The following TEX11 variants were observed in gnomAD, a reference collection of about 807,000 sequenced individuals.
TEX11 encodes testis expressed 11.
Under a neutral mutation model 84.4 loss-of-function variants are expected in TEX11, and 7 were observed. That is an observed-to-expected ratio of 0.08 (90% CI 0.05 to 0.16). The LOEUF (loss-of-function observed/expected upper bound fraction) is 0.16. TEX11 is among the 10% of genes least tolerant of loss of function. The pLI, the probability that TEX11 is intolerant of heterozygous loss-of-function variation, is 1.00. For missense variants in TEX11, 551 were observed against 660.5 expected, an observed-to-expected ratio of 0.83 and a Z score of 1.82; for synonymous variants, 264 against 222.8, an observed-to-expected ratio of 1.18 and a Z score of -1.64.
chrX:70,606,751 G>C (rs910177492), intron 23 of TEX11, among the ~76,000 whole-genome samples: 1 of 111,570 alleles, frequency 9.0e-6, no homozygotes, highest in Non-Finnish European at 1.9e-5. Context: ...GAATGTTTCT[G>C]ATATTTTGGT....
intron 13 of TEX11, among the ~76,000 whole-genome samples, chrX:70,714,624 TG>T (rs2090478367): frequency 9.0e-6 from 1 of 111,722 alleles, no homozygotes; most frequent in African/African-American, 3.3e-5. Context: ...CCCCTGCCTT[TG>T]TTTGTTTTCC....
chrX:70,715,110 G>A (rs887314579), intron 13 of TEX11, among the ~76,000 whole-genome samples: 12 of 111,115 alleles, frequency 1.1e-4, no homozygotes, highest in Non-Finnish European at 1.9e-4. Flanking sequence ...TAAGAATGTT[G>A]AATATTGGCC....
At chrX:70,595,571 A>T (rs1033903627) in intron 24 of TEX11, among the ~76,000 whole-genome samples, 1 of 111,670 alleles carries the variant, frequency 9.0e-6, no homozygotes, top group African/African-American at 3.3e-5. Context: ...TCTGATGTAG[A>T]TTCTGATAAA....
At chrX:70,684,784 A>T (rs995386555) in intron 13 of TEX11, among the ~76,000 whole-genome samples, 2 of 112,123 alleles carry the variant, frequency 1.8e-5, no homozygotes, top group Non-Finnish European at 3.8e-5. Context: ...GGCATTTTTC[A>T]CAGAAATAGA....
At chrX:70,781,093 G>C (rs1042429241) in intron 9 of TEX11, among the ~76,000 whole-genome samples, 16 of 111,764 alleles carry the variant, frequency 1.4e-4, no homozygotes, top group Non-Finnish European at 2.6e-4. Flanking sequence ...ATGCCCCTCT[G>C]GGATGAAGCT....
rs187155908 is a variant in TEX11 at position 70,886,053 on chromosome X, A to C, written c.38-5944T>G. ...ATGAAGGTTCTTCAAAAAATTAAAA[A>C]TACAACTCGCATATGATACAGCAAT... On this transcript the variant is annotated intron_variant, in intron 2 of 29. Transcript: ENST00000374333. Among the ~76,000 whole-genome samples the C allele has an allele frequency of 5.9e-4, 66 of 111,269 alleles. No homozygotes were observed. The East Asian group carries it at 0.017, about 28-fold the overall frequency.
chrX:70,812,303 T>C (rs1269371776), intron 8 of TEX11, among the ~76,000 whole-genome samples: 1 of 109,639 alleles, frequency 9.1e-6, no homozygotes, highest in Non-Finnish European at 1.9e-5. Context: ...GCCTCTTGGG[T>C]TCACATCATT....
chrX:70,797,725 C>A (rs1035886560), intron 9 of TEX11, among the ~76,000 whole-genome samples: 2 of 105,547 alleles, frequency 1.9e-5, no homozygotes, highest in Admixed American at 2.1e-4. Context: ...ATGTGATACA[C>A]CATTTGAACA....
intron 7 of TEX11, among the ~76,000 whole-genome samples, chrX:70,838,302 C>A (rs2091417600): frequency 9.0e-6 from 1 of 110,553 alleles, no homozygotes; most frequent in Non-Finnish European, 1.9e-5. Flanking sequence ...GTCTGTAGTC[C>A]CAGCTAGCTA....
intron 17 of TEX11, among the ~76,000 whole-genome samples, chrX:70,649,249 G>A (rs1383269593): frequency 9.0e-6 from 1 of 111,714 alleles, no homozygotes; most frequent in African/African-American, 3.3e-5. Flanking sequence ...GGGATTGCTG[G>A]GTCAAATAGT....
At chrX:70,894,733 G>A (rs915714117) in intron 2 of TEX11, among the ~76,000 whole-genome samples, 2 of 111,108 alleles carry the variant, frequency 1.8e-5, no homozygotes, top group East Asian at 2.8e-4. Context: ...TTCAACATAC[G>A]CAAATCGATA....
chrX:70,863,639 C>A (rs1242915175), intron 4 of TEX11, among the ~76,000 whole-genome samples: 1 of 111,821 alleles, frequency 8.9e-6, no homozygotes, highest in Non-Finnish European at 1.9e-5. Context: ...TGCAAAAATG[C>A]TGAAAATTCC....
intron 25 of TEX11, among the ~76,000 whole-genome samples, chrX:70,582,501 C>T (rs1041061471): frequency 1.8e-4 from 20 of 111,168 alleles, no homozygotes; most frequent in South Asian, 3.7e-4. Context: ...ATGCCTTCAC[C>T]ACAATGCAAA....
At chrX:70,763,212 C>T (rs1449250683) in intron 9 of TEX11, among the ~76,000 whole-genome samples, 1 of 111,816 alleles carries the variant, frequency 8.9e-6, no homozygotes, top group Non-Finnish European at 1.9e-5. Context: ...TGACCATCAA[C>T]CAATGAGTGG....
At chrX:70,893,281 A>T (rs111958160) in intron 2 of TEX11, among the ~76,000 whole-genome samples, 1 of 111,825 alleles carries the variant, frequency 8.9e-6, no homozygotes, top group Non-Finnish European at 1.9e-5. Flanking sequence ...CTTATTCTAA[A>T]ATTGACCACA....
At chrX:70,905,205 C>T (rs2147892891) in intron 2 of TEX11, among the ~76,000 whole-genome samples, 1 of 111,784 alleles carries the variant, frequency 8.9e-6, no homozygotes, top group South Asian at 3.8e-4. Context: ...CACCTGTAGC[C>T]CCAGCTACGC....
chrX:70,822,553 T>C (rs909930819), intron 8 of TEX11, among the ~76,000 whole-genome samples: 14 of 111,227 alleles, frequency 1.3e-4, no homozygotes, highest in African/African-American at 4.6e-4. Flanking sequence ...TGTATCTATA[T>C]ACACACACAC....
At chrX:70,899,697 C>T (rs971973290) in intron 2 of TEX11, among the ~76,000 whole-genome samples, 5 of 107,993 alleles carry the variant, frequency 4.6e-5, no homozygotes, top group Non-Finnish European at 9.5e-5. Context: ...AAGCAGATCA[C>T]TTGAGCTCAG....
chrX:70,899,796 C>T (rs1419812345), intron 2 of TEX11, among the ~76,000 whole-genome samples: 2 of 88,880 alleles, frequency 2.3e-5, no homozygotes, highest in African/African-American at 8.5e-5. Flanking sequence ...CATACCTATA[C>T]GTTCATGCCA....
Sources: allele counts gnomAD v4.1 joint callset (sites outside exome capture counted in the v4.1 genomes callset), GRCh38; gene constraint gnomAD v4.1.1; transcripts MANE v1.5; gene names NCBI Gene and HGNC (gene_info 2026-07-23, HGNC 2026-07-21).